Variants in MGAT4C observed in about 807,000 individuals in gnomAD.
The protein encoded by MGAT4C is MGAT4 family member C.
In MGAT4C, 19 loss-of-function variants were observed where a neutral mutation model predicts 40.1. That is an observed-to-expected ratio of 0.47 (90% CI 0.33 to 0.70). The LOEUF (loss-of-function observed/expected upper bound fraction) is 0.70. Among genes scored for constraint, MGAT4C ranks in the 30% least tolerant of loss-of-function variants. The pLI, the probability that MGAT4C is intolerant of heterozygous loss-of-function variation, is 0.02. For missense variants in MGAT4C, 491 were observed against 563.2 expected, an observed-to-expected ratio of 0.87 and a Z score of 1.30; for synonymous variants, 181 against 187.1, an observed-to-expected ratio of 0.97 and a Z score of 0.27.
At chr12:86,460,633 TTG>T (rs1256647123) in intron 2 of MGAT4C, among the ~76,000 whole-genome samples, 1 of 152,010 alleles carries the variant, frequency 6.6e-6, no homozygotes. Context: ...GTGTGTGTCT[TTG>T]TGTGTGTCTC....
chr12:86,589,908 C>A (rs1170964784), intron 2 of MGAT4C, among the ~76,000 whole-genome samples: 1 of 151,876 alleles, frequency 6.6e-6, no homozygotes, highest in Non-Finnish European at 1.5e-5. Flanking sequence ...GATGGCTATC[C>A]AATGATTCAA....
At chr12:86,709,086 T>C (rs535472542) in intron 2 of MGAT4C, among the ~76,000 whole-genome samples, 30 of 152,180 alleles carry the variant, frequency 2.0e-4, no homozygotes, top group Non-Finnish European at 3.7e-4. Context: ...CCAAATCTCA[T>C]CTTGAATTTT....
chr12:86,499,556 C>A (rs1452630293), intron 2 of MGAT4C, among the ~76,000 whole-genome samples: 5 of 151,548 alleles, frequency 3.3e-5, no homozygotes, highest in African/African-American at 1.2e-4. Context: ...TTTTTTAACA[C>A]CTAAAAAATT....
intron 1 of MGAT4C, among the ~76,000 whole-genome samples, chr12:86,202,471 A>T: frequency 6.6e-6 from 1 of 152,030 alleles, no homozygotes; most frequent in East Asian, 1.9e-4. Flanking sequence ...TATACTTATT[A>T]TTGGACGCAA....
At chr12:86,707,518 TTTTTC>T (rs1307629172) in intron 2 of MGAT4C, among the ~76,000 whole-genome samples, 1 of 150,944 alleles carries the variant, frequency 6.6e-6, no homozygotes, top group Non-Finnish European at 1.5e-5. Flanking sequence ...GGCGGAGGAA[TTTTTC>T]TTTTCTTTTT....
At chr12:86,201,888 A>G (rs1950065891) in intron 1 of MGAT4C, among the ~76,000 whole-genome samples, 1 of 152,052 alleles carries the variant, frequency 6.6e-6, no homozygotes, top group Non-Finnish European at 1.5e-5. Flanking sequence ...ATTCATTGCT[A>G]TGATTTTATT....
intron 1 of MGAT4C, among the ~76,000 whole-genome samples, chr12:86,142,260 C>CA (rs1397787437): frequency 6.6e-6 from 1 of 152,128 alleles, no homozygotes; most frequent in Non-Finnish European, 1.5e-5. Flanking sequence ...AGGCCACACA[C>CA]AGAGAGATGA....
chr12:86,632,900 G>A (rs1963105506), intron 2 of MGAT4C, among the ~76,000 whole-genome samples: 1 of 151,918 alleles, frequency 6.6e-6, no homozygotes. Flanking sequence ...AGAATTTAAA[G>A]TATAATAAAA....
intron 1 of MGAT4C, among the ~76,000 whole-genome samples, chr12:86,824,194 G>A (rs1952758625): frequency 1.3e-5 from 2 of 151,352 alleles, no homozygotes; most frequent in African/African-American, 2.4e-5. Context: ...GCATATTACA[G>A]TGCATGTGTT....
At chr12:85,998,528 G>A (rs544663193) in intron 2 of MGAT4C, among the ~76,000 whole-genome samples, 1 of 152,214 alleles carries the variant, frequency 6.6e-6, no homozygotes, top group African/African-American at 2.4e-5. Context: ...CAGCACACAA[G>A]TCACCTCTTG....
chr12:86,760,269 T>C (rs1319110712), intron 1 of MGAT4C, among the ~76,000 whole-genome samples: 1 of 151,986 alleles, frequency 6.6e-6, no homozygotes, highest in Non-Finnish European at 1.5e-5. Context: ...AAAAAATAAC[T>C]CAGAATGGAT....
chr12:86,250,928 A>C lies in MGAT4C; in HGVS notation c.-57+5311T>G, dbSNP rs115029907. Among the ~76,000 whole-genome samples the C allele has an allele frequency of 2.9e-3, 443 of 152,094 alleles. 5 individuals are homozygous for C. The highest frequency in any genetic ancestry group is 0.01 in the African/African-American group (417 of 41,510). ...AGAGTTTTCATGTTAGTGAATAGCAATTTTTAATGAAACTCCTGAATGAAT... is the reference window on the plus strand; with the variant it reads ...AGAGTTTTCATGTTAGTGAATAGCACTTTTTAATGAAACTCCTGAATGAAT... On this transcript the variant is annotated intron_variant, in intron 1 of 4. Transcript: ENST00000611864.
intron 4 of MGAT4C, among the ~76,000 whole-genome samples, chr12:86,262,004 A>G (rs1952668179): frequency 6.6e-6 from 1 of 152,066 alleles, no homozygotes. Context: ...AGTAGGATAT[A>G]AATAACTCCC....
chr12:86,257,991 TA>T (rs1488352157), upstream of MGAT4C, among the ~76,000 whole-genome samples: 5 of 131,462 alleles, frequency 3.8e-5, no homozygotes, highest in Non-Finnish European at 6.4e-5. Flanking sequence ...GCTTGTTATA[TA>T]AAATAAAAAG....
intron 2 of MGAT4C, among the ~76,000 whole-genome samples, chr12:86,593,183 T>C (rs1304514599): frequency 5.9e-5 from 9 of 152,126 alleles, no homozygotes. Flanking sequence ...GTTCATAATA[T>C]TTATTTGTAA....
intron 2 of MGAT4C, among the ~76,000 whole-genome samples, chr12:86,550,217 C>T (rs1323185034): frequency 6.6e-6 from 1 of 152,174 alleles, no homozygotes; most frequent in Non-Finnish European, 1.5e-5. Flanking sequence ...CCATGTGGAA[C>T]TGTGAGTCAA....
Position 86,765,392 on chromosome 12 carries a change from T to G in MGAT4C, c.-261-38151A>C, listed in dbSNP as rs559097077. Among the ~76,000 whole-genome samples the G allele has an allele frequency of 7.9e-5, 12 of 152,240 alleles. No individual in the cohort carries two copies. The South Asian group carries it at 1.2e-3, about 16-fold the overall frequency. ...GAAAAGACCAAATCTACGTCTGATT[T>G]GTGTACCTGAAAGTGACGGGTAGAA... is the stretch of plus-strand genomic sequence containing the variant. On this transcript the variant is annotated intron_variant, in intron 1 of 7. Coordinates refer to the MGAT4C transcript ENST00000548651.
chr12:86,032,124 C>T (rs1890809118), intron 2 of MGAT4C, among the ~76,000 whole-genome samples: 1 of 151,960 alleles, frequency 6.6e-6, no homozygotes. Context: ...GTGTAAGATC[C>T]TGTGGTATAT....
chr12:86,391,432 T>A (rs1402219940), intron 3 of MGAT4C, among the ~76,000 whole-genome samples: 1 of 150,036 alleles, frequency 6.7e-6, no homozygotes, highest in Non-Finnish European at 1.5e-5. Flanking sequence ...TACATTTAAA[T>A]ATACCAGCCT....
Sources: gnomAD v4.1 joint callset for allele counts (sites outside exome capture counted in the v4.1 genomes callset) on GRCh38, gnomAD v4.1.1 for gene constraint, MANE v1.5 for transcripts, NCBI Gene and HGNC (gene_info 2026-07-23, HGNC 2026-07-21) for gene names.